The following NPAS3 variants were observed in gnomAD, a reference collection of about 807,000 sequenced individuals.
NPAS3 encodes the protein neuronal PAS domain protein 3.
In NPAS3, 14 loss-of-function variants were observed where a neutral mutation model predicts 73.1. The ratio of observed to expected loss-of-function variants is 0.19; its 90% CI spans 0.13 to 0.30. NPAS3 has a LOEUF of 0.30. Among genes scored for constraint, NPAS3 ranks in the 10% least tolerant of loss-of-function variants. The probability of loss-of-function intolerance (pLI) is 1.00; values close to 1 mark genes in which losing one functional copy is unlikely to be tolerated. For synonymous variants in NPAS3, 620 were observed against 541.5 expected (o/e 1.14, Z -2.01); for missense variants, 1,096 against 1,250.0 (o/e 0.88, Z 1.86).
At chr14:33,139,933 T>C (rs1293446128) in intron 2 of NPAS3, among the ~76,000 whole-genome samples, 2 of 122,264 alleles carry the variant, frequency 1.6e-5, no homozygotes, top group Non-Finnish European at 3.6e-5. Context: ...TATAATATTC[T>C]GCCTGCATGA....
intron 3 of NPAS3, among the ~76,000 whole-genome samples, chr14:33,234,010 T>C (rs1470553375): frequency 6.6e-6 from 1 of 152,112 alleles, no homozygotes; most frequent in Non-Finnish European, 1.5e-5. Context: ...AATTCAAATG[T>C]ATATTAGATA....
chr14:33,209,829 T>C (rs1464829368), intron 2 of NPAS3, among the ~76,000 whole-genome samples: 6 of 152,226 alleles, frequency 3.9e-5, no homozygotes, highest in African/African-American at 1.4e-4. Flanking sequence ...TTATGAAGAC[T>C]AGATATTATA....
At chr14:32,969,987 C>T (rs769389788) in intron 1 of NPAS3, among the ~76,000 whole-genome samples, 10 of 152,134 alleles carry the variant, frequency 6.6e-5, no homozygotes, top group African/African-American at 9.7e-5. Context: ...AGCAAAGACT[C>T]GCTAGCTTCC....
chr14:33,628,772 AG>A (rs2058292550), intron 5 of NPAS3, among the ~76,000 whole-genome samples: 1 of 152,208 alleles, frequency 6.6e-6, no homozygotes. Context: ...CCCTTCCTTA[AG>A]CCTGGGCTCC....
chr14:33,512,694 A>G (rs1395125855), intron 4 of NPAS3, among the ~76,000 whole-genome samples: 1 of 152,014 alleles, frequency 6.6e-6, no homozygotes, highest in Non-Finnish European at 1.5e-5. Flanking sequence ...CTTCTGTGGC[A>G]AGGTCAGAAA....
chr14:33,753,447 G>T (rs577584975), intron 7 of NPAS3, among the ~76,000 whole-genome samples: 4 of 151,880 alleles, frequency 2.6e-5, no homozygotes, highest in African/African-American at 9.7e-5. Context: ...GCATTTGTGC[G>T]GCAGGGCATT....
At chr14:33,789,027 T>C (rs1373139802) in intron 9 of NPAS3, among the ~76,000 whole-genome samples, 1 of 151,792 alleles carries the variant, frequency 6.6e-6, no homozygotes, top group Non-Finnish European at 1.5e-5. Context: ...AAAGGTCACA[T>C]GTTCTGAAAT....
intron 4 of NPAS3, among the ~76,000 whole-genome samples, chr14:33,402,954 A>T (rs760947036): frequency 6.6e-6 from 1 of 152,128 alleles, no homozygotes; most frequent in Non-Finnish European, 1.5e-5. Context: ...CAGTATGTGG[A>T]ATAATGCTGG....
intron 2 of NPAS3, among the ~76,000 whole-genome samples, chr14:33,158,632 A>G (rs2044735233): frequency 1.3e-5 from 2 of 151,934 alleles, no homozygotes; most frequent in African/African-American, 4.8e-5. Flanking sequence ...GGCTGAAGAT[A>G]AGACAGCAGA....
chr14:33,434,796 A>G (rs1473255142), intron 4 of NPAS3, among the ~76,000 whole-genome samples: 1 of 152,232 alleles, frequency 6.6e-6, no homozygotes, highest in Non-Finnish European at 1.5e-5. Context: ...ATAAATAAAA[A>G]TTGAATGAAC....
rs531987560 is a variant in NPAS3 at position 33,598,779 on chromosome 14, TGCCTATTTCCATCATTA to T, written c.558+38570_558+38586del. 2.0e-4 allele frequency among the ~76,000 whole-genome samples: 30 copies of T among 152,330 alleles called. No individual in the cohort carries two copies. The East Asian group carries it at 3.3e-3, about 17-fold the overall frequency. On this transcript the variant is annotated intron_variant, in intron 5 of 11. Coordinates refer to ENST00000356141, the Ensembl canonical transcript of NPAS3. ...ATGCTTTCAGGGTGTCTTTTGCCTG[TGCCTATTTCCATCATTA>T]AATTAACCATGAGTTAATGTGTGAC... is the stretch of plus-strand genomic sequence containing the variant.
chr14:33,144,234 TAAAA>T (rs777624930), intron 2 of NPAS3, among the ~76,000 whole-genome samples: 3 of 152,178 alleles, frequency 2.0e-5, no homozygotes, highest in Admixed American at 6.5e-5. Context: ...TTTTAACAAA[TAAAA>T]AAACTTATAG....
intron 3 of NPAS3, among the ~76,000 whole-genome samples, chr14:33,233,784 G>A (rs969792955): frequency 2.1e-4 from 32 of 152,052 alleles, no homozygotes; most frequent in African/African-American, 7.2e-4. Context: ...TACTTGAGGA[G>A]TTTATTCATT....
At chr14:33,639,853 G>C (rs2058626528) in intron 5 of NPAS3, among the ~76,000 whole-genome samples, 1 of 152,172 alleles carries the variant, frequency 6.6e-6, no homozygotes. Flanking sequence ...TGTGAACTGA[G>C]GCACAAGTCC....
chr14:32,980,537 A>T (rs796983029), intron 1 of NPAS3, among the ~76,000 whole-genome samples: 5 of 152,324 alleles, frequency 3.3e-5, no homozygotes, highest in African/African-American at 1.2e-4. Flanking sequence ...ATGAGCTGTA[A>T]ATTAGAATAT....
chr14:33,207,075 A>G (rs1282498850), intron 2 of NPAS3, among the ~76,000 whole-genome samples: 1 of 152,196 alleles, frequency 6.6e-6, no homozygotes, highest in Non-Finnish European at 1.5e-5. Flanking sequence ...TTGCGACCTG[A>G]AGAGAGCAGT....
intron 5 of NPAS3, among the ~76,000 whole-genome samples, chr14:33,585,097 G>A (rs1245680700): frequency 6.6e-6 from 1 of 151,778 alleles, no homozygotes; most frequent in Non-Finnish European, 1.5e-5. Flanking sequence ...ATAATACTGA[G>A]GGCAGATTGT....
intron 3 of NPAS3, among the ~76,000 whole-genome samples, chr14:33,231,943 A>T (rs1400646409): frequency 6.6e-6 from 1 of 152,166 alleles, no homozygotes; most frequent in Non-Finnish European, 1.5e-5. Flanking sequence ...AAAAACTCAA[A>T]AATCATTTTC....
At chr14:33,021,512 A>C (rs1189271213) in intron 1 of NPAS3, among the ~76,000 whole-genome samples, 1 of 152,152 alleles carries the variant, frequency 6.6e-6, no homozygotes, top group Non-Finnish European at 1.5e-5. Flanking sequence ...CTACAGACAC[A>C]TTTGGTTTGG....
Sources: gnomAD v4.1 joint callset for allele counts (sites outside exome capture counted in the v4.1 genomes callset) on GRCh38, gnomAD v4.1.1 for gene constraint, MANE v1.5 for transcripts, NCBI Gene and HGNC (gene_info 2026-07-23, HGNC 2026-07-21) for gene names.